CDH13: variants seen among roughly 807,000 people sequenced by gnomAD.
CDH13 encodes the protein cadherin 13.
CDH13 carries 24 observed loss-of-function variants against 63.8 expected under a neutral mutation model. The ratio of observed to expected loss-of-function variants is 0.38; its 90% CI spans 0.27 to 0.53. CDH13 has a LOEUF of 0.53. Among genes scored for constraint, CDH13 ranks in the 20% least tolerant of loss-of-function variants. CDH13 has a pLI of 0.85. For missense variants in CDH13, 1,049 were observed against 903.1 expected (o/e 1.16, Z -2.07); for synonymous variants, 503 against 355.3 (o/e 1.42, Z -4.67).
chr16:83,019,209 T>C (rs1915106321), intron 2 of CDH13, among the ~76,000 whole-genome samples: 1 of 152,224 alleles, frequency 6.6e-6, no homozygotes, highest in African/African-American at 2.4e-5. Context: ...GAAAATATTT[T>C]CTTTATATCC....
intron 5 of CDH13, among the ~76,000 whole-genome samples, chr16:83,285,839 T>A (rs908515224): frequency 1.3e-5 from 2 of 152,112 alleles, no homozygotes; most frequent in African/African-American, 4.8e-5. Context: ...TTAAAATGCA[T>A]AACGAATTAT....
At chr16:83,783,110 T>C (rs1915641635) in intron 12 of CDH13, 144 bp from the exon 13 acceptor site, 1 of 644,836 alleles carries the variant, frequency 1.6e-6, no homozygotes, top group African/African-American at 1.8e-5. Context: ...TTTCACTTGA[T>C]GTTAATGAAT....
At chr16:82,953,797 C>T (rs564373798) in intron 2 of CDH13, 1 of 152,098 alleles carries the variant, frequency 6.6e-6, no homozygotes, top group East Asian at 1.9e-4. Context: ...CCAGATGGGC[C>T]GAGATCTGAT....
Position 83,345,026 on chromosome 16 carries a change from C to G in CDH13, c.781+20C>G. 6.2e-7 allele frequency: 1 copy of G among 1,611,560 alleles called. No homozygotes were observed. ...CCACAGGTATGTCACATTGGCTTAC[C>G]TTTAGCGTAATGGCTTGGAAAGAGG... On this transcript the variant is annotated intron_variant, in intron 6 of 13. Coordinates refer to ENST00000567109, the MANE Select transcript of CDH13 (RefSeq NM_001257.5).
rs1183169707 is a variant in CDH13 at position 82,644,431 on chromosome 16, A to G, written c.45+17294A>G. Reference sequence around the variant, plus strand: ...ATGGAACGTACTCCTGTCTGCCCTCACTCGTGGGTTGATGATTTCTATCCT... The same window carrying G: ...ATGGAACGTACTCCTGTCTGCCCTCGCTCGTGGGTTGATGATTTCTATCCT... On this transcript the variant is annotated intron_variant, in intron 1 of 13. Transcript: ENST00000567109. The surrounding 1 kb of genome is among the most constrained non-coding windows in gnomAD (Gnocchi z 5.7). 6.6e-6 allele frequency among the ~76,000 whole-genome samples: 1 copy of G among 151,652 alleles called. No individual in the cohort carries two copies. The highest frequency in any genetic ancestry group is 1.5e-5 in the Non-Finnish European group (1 of 67,952).
intron 2 of CDH13, among the ~76,000 whole-genome samples, chr16:82,891,493 A>T (rs7204227): frequency 2.6e-5 from 4 of 152,138 alleles, no homozygotes; most frequent in Admixed American, 1.3e-4. Flanking sequence ...TTCACTGGGC[A>T]TATATTTTGG....
intron 10 of CDH13, among the ~76,000 whole-genome samples, chr16:83,723,871 AATGGATGG>A (rs56156646): frequency 6.6e-6 from 1 of 152,026 alleles, no homozygotes; most frequent in African/African-American, 2.4e-5. Flanking sequence ...TCCATGGAAG[AATGGATGG>A]ATGGATGGAT....
chr16:83,462,123 T>G (rs1286125268), intron 6 of CDH13, among the ~76,000 whole-genome samples: 2 of 152,148 alleles, frequency 1.3e-5, no homozygotes, highest in African/African-American at 2.4e-5. Flanking sequence ...GGGCAGTGCA[T>G]GACTGACAGC....
At chr16:82,772,685 A>G (rs143597531) in intron 1 of CDH13, among the ~76,000 whole-genome samples, 1 of 152,244 alleles carries the variant, frequency 6.6e-6, no homozygotes, top group Admixed American at 6.5e-5. Context: ...TTTCATCATC[A>G]TCATCCTCAC....
At chr16:82,683,984 G>T (rs994064018) in intron 1 of CDH13, among the ~76,000 whole-genome samples, 1 of 152,234 alleles carries the variant, frequency 6.6e-6, no homozygotes, top group African/African-American at 2.4e-5. Context: ...TATTAAATCT[G>T]CTCTAAGCAG....
intron 1 of CDH13, among the ~76,000 whole-genome samples, chr16:82,819,699 G>A (rs1009424749): frequency 2.6e-5 from 4 of 152,190 alleles, no homozygotes; most frequent in African/African-American, 7.2e-5. Context: ...AGGCAAGTCC[G>A]TCCTTTCTCC....
chr16:82,833,965 G>T (rs1466275731), intron 1 of CDH13, among the ~76,000 whole-genome samples: 1 of 152,178 alleles, frequency 6.6e-6, no homozygotes, highest in Non-Finnish European at 1.5e-5. Context: ...TACCTTGTGG[G>T]TGGGGAATTG....
At chr16:82,772,405 G>A (rs1028607780) in intron 1 of CDH13, among the ~76,000 whole-genome samples, 1 of 152,098 alleles carries the variant, frequency 6.6e-6, no homozygotes, top group African/African-American at 2.4e-5. Flanking sequence ...TATACCAGCT[G>A]CAATATGGTA....
intron 1 of CDH13, among the ~76,000 whole-genome samples, chr16:82,790,164 C>T (rs1435419035): frequency 2.6e-5 from 4 of 152,100 alleles, no homozygotes; most frequent in Admixed American, 1.3e-4. Flanking sequence ...AGGCCAGGCG[C>T]GGTATCTCAT....
chr16:83,131,066 C>T (rs960700636), intron 4 of CDH13, among the ~76,000 whole-genome samples: 1 of 151,968 alleles, frequency 6.6e-6, no homozygotes, highest in Non-Finnish European at 1.5e-5. Context: ...AGTAGCTAAA[C>T]TACTAGAATT....
At chr16:83,766,697 G>T (rs1914412219) in intron 11 of CDH13, among the ~76,000 whole-genome samples, 1 of 152,162 alleles carries the variant, frequency 6.6e-6, no homozygotes, top group Non-Finnish European at 1.5e-5. Context: ...AACATTCTGT[G>T]CCTATGAAAC....
chr16:83,295,865 C>T (rs1438633559), intron 5 of CDH13, among the ~76,000 whole-genome samples: 2 of 152,182 alleles, frequency 1.3e-5, no homozygotes, highest in East Asian at 1.9e-4. Flanking sequence ...GACGTCTGCA[C>T]TTCTGTATGT....
chr16:83,622,370 C>T (rs932425829), intron 8 of CDH13, among the ~76,000 whole-genome samples: 12 of 152,114 alleles, frequency 7.9e-5, no homozygotes, highest in African/African-American at 2.7e-4. Flanking sequence ...CATGGGATTC[C>T]GAAATGAGAG....
At chr16:83,515,827 A>T (rs569344573) in intron 7 of CDH13, among the ~76,000 whole-genome samples, 1 of 152,298 alleles carries the variant, frequency 6.6e-6, no homozygotes, top group East Asian at 1.9e-4. Context: ...GTTTTTTGAT[A>T]TTGTATTAAT....
Sources: gnomAD v4.1 joint callset for allele counts (sites outside exome capture counted in the v4.1 genomes callset) on GRCh38, gnomAD v4.1.1 for gene constraint, Gnocchi (gnomAD v3.1) non-coding constraint, MANE v1.5 for transcripts, NCBI Gene and HGNC (gene_info 2026-07-23, HGNC 2026-07-21) for gene names.